Variants in PHF20 observed in about 807,000 individuals in gnomAD.
PHF20 encodes the protein glioma-expressed antigen 2.
Under a neutral mutation model 113.5 loss-of-function variants are expected in PHF20, and 23 were observed. That is an observed-to-expected ratio of 0.20 (90% CI 0.15 to 0.29). The LOEUF is 0.29. Among genes scored for constraint, PHF20 ranks in the 10% least tolerant of loss-of-function variants. PHF20 has a pLI of 1.00. For synonymous variants in PHF20, 434 were observed against 457.3 expected (o/e 0.95, Z 0.65); for missense variants, 943 against 1,219.6 (o/e 0.77, Z 3.38).
chr20:35,850,692 T>TG (rs1281058990), intron 4 of PHF20: 2 of 279,808 alleles, frequency 7.1e-6, no homozygotes, highest in Non-Finnish European at 1.4e-5. Context: ...CTCTCCATTT[T>TG]GGGGGGTGAC....
chr20:35,793,320 A>G lies in PHF20; in HGVS notation c.-32-8171A>G, dbSNP rs368824033. Among the ~76,000 whole-genome samples the G allele has an allele frequency of 1.6e-3, 233 of 142,710 alleles. 1 individual carries two copies. Among genetic ancestry groups the G allele is most frequent in the Admixed American group, 4.3e-3 (61 of 14,124 alleles). The allele number at this position is 142,710 out of a possible 152,430, so 93.6% of individuals were successfully genotyped here. Reference sequence around the variant, plus strand: ...CTTTTTCTTTTTTTTTTTTTTTGAGACAAGAGTCTCGCTCTGTCACCCAGG... The same window carrying G: ...CTTTTTCTTTTTTTTTTTTTTTGAGGCAAGAGTCTCGCTCTGTCACCCAGG... On this transcript the variant is annotated intron_variant, in intron 1 of 17. Transcript: ENST00000374012.
At chr20:35,875,742 G>T (rs2054510174) in intron 9 of PHF20, among the ~76,000 whole-genome samples, 2 of 152,100 alleles carry the variant, frequency 1.3e-5, no homozygotes, top group African/African-American at 2.4e-5. Context: ...TAATTATGTT[G>T]TCTTAAGGGT....
chr20:35,843,388 G>A (rs1281031398), intron 3 of PHF20, among the ~76,000 whole-genome samples: 6 of 150,970 alleles, frequency 4.0e-5, no homozygotes, highest in African/African-American at 4.9e-5. Context: ...ATATAGTGGC[G>A]GGCGCCTGTA....
chr20:35,927,739 C>T (rs745844223), intron 13 of PHF20, 41 bp from the exon 14 acceptor site: 34 of 1,488,070 alleles, frequency 2.3e-5, no homozygotes, highest in East Asian at 1.6e-4. Context: ...ATGGAGAACA[C>T]CTTCTGAGTT....
intron 1 of PHF20, among the ~76,000 whole-genome samples, chr20:35,783,385 A>G (rs2041340441): frequency 1.3e-5 from 2 of 151,800 alleles, no homozygotes; most frequent in South Asian, 4.2e-4. Flanking sequence ...CCATAACTTT[A>G]TCAGTAGTGT....
At chr20:35,870,303 CAAAAAAAA>C (rs1174014648) in intron 7 of PHF20, among the ~76,000 whole-genome samples, 4,609 of 53,062 alleles carry the variant, frequency 0.087, 99 homozygotes, top group African/African-American at 0.14. Flanking sequence ...GACTCCGTCT[CAAAAAAAA>C]AAAAAAAAAA....
chr20:35,837,924 T>G (rs1048905055), intron 2 of PHF20, among the ~76,000 whole-genome samples: 1 of 152,222 alleles, frequency 6.6e-6, no homozygotes, highest in African/African-American at 2.4e-5. Flanking sequence ...ACTTGCATCT[T>G]TGTCACACTT....
At chr20:35,894,698 C>A (rs969414025) in intron 9 of PHF20, among the ~76,000 whole-genome samples, 6 of 152,200 alleles carry the variant, frequency 3.9e-5, no homozygotes, top group African/African-American at 1.4e-4. Context: ...GAAGTTGTTA[C>A]CATTATCGTC....
intron 9 of PHF20, among the ~76,000 whole-genome samples, chr20:35,881,269 G>A (rs1334801064): frequency 6.6e-6 from 1 of 151,762 alleles, no homozygotes; most frequent in African/African-American, 2.4e-5. Flanking sequence ...TGTTGGCCAG[G>A]CTAGTCTTGA....
At chr20:35,791,760 G>A (rs970576873) in intron 1 of PHF20, among the ~76,000 whole-genome samples, 1 of 151,824 alleles carries the variant, frequency 6.6e-6, no homozygotes, top group African/African-American at 2.4e-5. Context: ...CTTGGCAATG[G>A]CTGAGACTTA....
At chr20:35,782,045 C>T (rs745391101) in intron 1 of PHF20, among the ~76,000 whole-genome samples, 4 of 152,044 alleles carry the variant, frequency 2.6e-5, no homozygotes, top group Non-Finnish European at 5.9e-5. Flanking sequence ...TACTTTCTGT[C>T]TCCATGTTTT....
intron 4 of PHF20, among the ~76,000 whole-genome samples, chr20:35,848,800 C>T (rs1431299995): frequency 6.7e-6 from 1 of 148,870 alleles, no homozygotes; most frequent in Non-Finnish European, 1.5e-5. Context: ...GAGGCTACAG[C>T]AAGCTATGAT....
intron 3 of PHF20, chr20:35,845,451 G>T: frequency 2.8e-6 from 1 of 357,620 alleles, no homozygotes; most frequent in Non-Finnish European, 5.9e-6. Flanking sequence ...ATGTAGCCTT[G>T]ACCTCTTGGG....
chr20:35,781,532 G>A (rs1042843769), intron 1 of PHF20, among the ~76,000 whole-genome samples: 4 of 152,046 alleles, frequency 2.6e-5, no homozygotes, highest in Non-Finnish European at 4.4e-5. Context: ...TGTTGTTGTC[G>A]TGGTCAGATA....
At chr20:35,857,562 CTTTTTT>C (rs56655276) in intron 4 of PHF20, among the ~76,000 whole-genome samples, 2 of 99,674 alleles carry the variant, frequency 2.0e-5, no homozygotes, top group African/African-American at 7.4e-5. Flanking sequence ...AATGATGTTC[CTTTTTT>C]TTTTTTTTTT....
At chr20:35,820,957 G>C (rs560697388) in intron 2 of PHF20, among the ~76,000 whole-genome samples, 10 of 152,144 alleles carry the variant, frequency 6.6e-5, no homozygotes, top group African/African-American at 2.4e-4. Context: ...GGAGCAAGCA[G>C]GGCATTCAAG....
intron 2 of PHF20, among the ~76,000 whole-genome samples, chr20:35,821,033 C>T (rs1316526062): frequency 6.6e-6 from 1 of 151,798 alleles, no homozygotes; most frequent in African/African-American, 2.4e-5. Flanking sequence ...GGAGGTGAGC[C>T]CAGAAAGGTC....
chr20:35,854,262 TGA>T (rs2042790270), intron 4 of PHF20, among the ~76,000 whole-genome samples: 1 of 152,212 alleles, frequency 6.6e-6, no homozygotes, highest in African/African-American at 2.4e-5. Context: ...TCTGCAATGC[TGA>T]GTCCTTAACC....
At chr20:35,915,587 A>G (rs1454522420) in intron 12 of PHF20, among the ~76,000 whole-genome samples, 1 of 151,932 alleles carries the variant, frequency 6.6e-6, no homozygotes, top group Non-Finnish European at 1.5e-5. Flanking sequence ...GGGTTTCACC[A>G]TGTTGGTCAG....
Sources: allele counts gnomAD v4.1 joint callset (sites outside exome capture counted in the v4.1 genomes callset), GRCh38; gene constraint gnomAD v4.1.1; transcripts MANE v1.5; gene names NCBI Gene and HGNC (gene_info 2026-07-23, HGNC 2026-07-21).